The following FBN2 variants were observed in gnomAD, a reference collection of about 807,000 sequenced individuals.
The protein encoded by FBN2 is fibrillin 2, also known as fibrillin-2.
In FBN2, 105 loss-of-function variants were observed where a neutral mutation model predicts 355.6. That is an observed-to-expected ratio of 0.30 (90% CI 0.25 to 0.35). The LOEUF is 0.35. Among genes scored for constraint, FBN2 ranks in the 10% least tolerant of loss-of-function variants. FBN2 has a pLI of 1.00. For missense variants in FBN2, 3,280 were observed against 3,758.7 expected, an observed-to-expected ratio of 0.87 and a Z score of 3.33; for synonymous variants, 1,350 against 1,301.2, an observed-to-expected ratio of 1.04 and a Z score of -0.81.
At chr5:128,377,692 T>G in intron 13 of FBN2, 60 bp downstream of exon 13, 1 of 1,571,690 alleles carries the variant, frequency 6.4e-7, no homozygotes, top group Non-Finnish European at 8.7e-7. Flanking sequence ...AGTACATGGT[T>G]CTAAATAAAA....
At position 128,311,334 on chromosome 5, in the gene FBN2, G is replaced by T. The variant is rs1048263259; in HGVS notation, c.5040C>A (p.Gly1680=). 1.9e-6 allele frequency: 3 copies of T among 1,614,110 alleles called. No homozygotes were observed. Among genetic ancestry groups the T allele is most frequent in the Non-Finnish European group, 2.5e-6 (3 of 1,179,986 alleles). The change falls in exon 39 of 65, where the codon GGC becomes GGA. Residue 1680 remains glycine (G), a synonymous_variant. Transcript: ENST00000262464. The part of the protein sequence containing the change: ...FGSFQCECPQ[G]YYLSEDTRIC... The stretch of plus-strand genomic sequence containing the variant: ...TGCGGGTATCCTCGCTGAGGTAGTA[G>T]CCTTGTGGGCACTCACACTGGAAGC...
At chr5:128,340,563 G>A (rs988927486) in intron 25 of FBN2, among the ~76,000 whole-genome samples, 4 of 152,144 alleles carry the variant, frequency 2.6e-5, no homozygotes, top group Non-Finnish European at 5.9e-5. Context: ...GGGTGGAGCA[G>A]GGACAATCTT....
chr5:128,294,686 T>C (rs867674830), intron 48 of FBN2, among the ~76,000 whole-genome samples: 1 of 149,224 alleles, frequency 6.7e-6, no homozygotes, highest in Admixed American at 6.7e-5. Context: ...GATGGGGTTG[T>C]TTGTTTTTTT....
At chr5:128,447,792 C>T (rs975321248) in intron 6 of FBN2, among the ~76,000 whole-genome samples, 3 of 152,172 alleles carry the variant, frequency 2.0e-5, no homozygotes, top group Non-Finnish European at 4.4e-5. Context: ...TGATGTCTCC[C>T]CCGGATACCC....
At chr5:128,430,168 T>C (rs538444986) in intron 7 of FBN2, among the ~76,000 whole-genome samples, 2 of 152,136 alleles carry the variant, frequency 1.3e-5, no homozygotes, top group African/African-American at 4.8e-5. Flanking sequence ...AAATATTACT[T>C]GCAAATATTT....
intron 7 of FBN2, among the ~76,000 whole-genome samples, chr5:128,420,565 T>C (rs1320037337): frequency 6.6e-6 from 1 of 152,206 alleles, no homozygotes. Context: ...AGGTATTTTT[T>C]ATAGAAAAGG....
chr5:128,299,816 G>A (rs1205611338), intron 48 of FBN2, among the ~76,000 whole-genome samples: 2 of 152,164 alleles, frequency 1.3e-5, no homozygotes, highest in Non-Finnish European at 2.9e-5. Flanking sequence ...GTAGACCGGA[G>A]CTGTTCCTAT....
chr5:128,468,195 C>T (rs1014894219), intron 5 of FBN2, among the ~76,000 whole-genome samples: 4 of 152,080 alleles, frequency 2.6e-5, no homozygotes, highest in African/African-American at 4.8e-5. Flanking sequence ...TCATATAACA[C>T]GTGGTCTTTT....
intron 36 of FBN2, among the ~76,000 whole-genome samples, chr5:128,315,508 T>A (rs2126850917): frequency 6.6e-6 from 1 of 152,338 alleles, no homozygotes; most frequent in South Asian, 2.1e-4. Context: ...ACATTAACAG[T>A]TCATGATTTT....
chr5:128,375,713 A>T (rs1752061961), intron 14 of FBN2, among the ~76,000 whole-genome samples: 1 of 152,156 alleles, frequency 6.6e-6, no homozygotes, highest in South Asian at 2.1e-4. Context: ...TGATGGAGTT[A>T]ATTTTGTCTT....
At chr5:128,273,131 G>A (rs995713590) in intron 61 of FBN2, among the ~76,000 whole-genome samples, 5 of 152,112 alleles carry the variant, frequency 3.3e-5, no homozygotes, top group Non-Finnish European at 5.9e-5. Context: ...AAGAATGTAA[G>A]GGAAATAAAT....
At chr5:128,511,490 T>C (rs1253145114) in intron 5 of FBN2, among the ~76,000 whole-genome samples, 2 of 152,236 alleles carry the variant, frequency 1.3e-5, no homozygotes, top group Non-Finnish European at 2.9e-5. Context: ...ATTTTCATCC[T>C]ATTTCTTCTA....
In FBN2 at chr5:128,517,251, T is replaced by C. The variant is rs1468902938; in HGVS notation, c.628+2022A>G. ...ACCCAATTTCTTTGCCAATTACAAA[T>C]TGACTTTGAAATCTGCTTCAGGATG... On this transcript the variant is annotated intron_variant, in intron 5 of 64. Coordinates refer to ENST00000262464, the MANE Select transcript of FBN2 (RefSeq NM_001999.4). 4.6e-5 allele frequency among the ~76,000 whole-genome samples: 7 copies of C among 152,174 alleles called. No individual in the cohort carries two copies. The South Asian group carries it at 6.2e-4, about 14-fold the overall frequency.
rs1461147947 is a variant in FBN2, at chr5:128,349,861, AAAATGAT to A, written c.2863+87_2863+93del. 4.0e-6 allele frequency: 4 copies of A among 989,956 alleles called. No individual in the cohort carries two copies. In the African/African-American group the frequency reaches 6.4e-5, roughly 16 times the overall value. The allele number at this position is 989,956 out of a possible 1,614,324, so 61.3% of individuals were successfully genotyped here. ...TTTTATTGAAATGTCAAGGTTTTTG[AAAATGAT>A]AAATATCTCCAAAGTTTGAGAGTGA... On this transcript the variant is annotated intron_variant, in intron 22 of 64. Transcript: ENST00000262464.
intron 7 of FBN2, 88 bp downstream of exon 7, chr5:128,446,393 C>A: frequency 1.5e-6 from 2 of 1,346,108 alleles, no homozygotes; most frequent in Non-Finnish European, 1.1e-6. Flanking sequence ...TTAATTGTGA[C>A]CAGTAGTCTT....
intron 16 of FBN2, among the ~76,000 whole-genome samples, chr5:128,368,656 A>AT (rs1383209452): frequency 1.3e-5 from 2 of 151,750 alleles, no homozygotes; most frequent in African/African-American, 2.4e-5. Context: ...TCATAACTGT[A>AT]TAAGAAAATA....
At chr5:128,419,695 A>C (rs1046940939) in intron 7 of FBN2, among the ~76,000 whole-genome samples, 3 of 151,830 alleles carry the variant, frequency 2.0e-5, no homozygotes, top group Non-Finnish European at 4.4e-5. Flanking sequence ...CTGATGTATA[A>C]TTTTTTTTGT....
intron 11 of FBN2, among the ~76,000 whole-genome samples, chr5:128,389,207 T>G (rs1314775795): frequency 6.6e-6 from 1 of 152,192 alleles, no homozygotes; most frequent in Non-Finnish European, 1.5e-5. Context: ...CTTAAGAACA[T>G]GCCAGTGGTG....
intron 6 of FBN2, among the ~76,000 whole-genome samples, chr5:128,461,607 C>T (rs1347507110): frequency 6.6e-6 from 1 of 152,128 alleles, no homozygotes; most frequent in East Asian, 1.9e-4. Context: ...ACCCAAATGG[C>T]CATCAATGAT....
Sources: allele counts gnomAD v4.1 joint callset (sites outside exome capture counted in the v4.1 genomes callset), GRCh38; gene constraint gnomAD v4.1.1; transcripts MANE v1.5; gene names NCBI Gene and HGNC (gene_info 2026-07-23, HGNC 2026-07-21).